The following CDH8 variants were observed in gnomAD, a reference collection of about 807,000 sequenced individuals.
CDH8 encodes the protein cadherin-8.
Under a neutral mutation model 68.1 loss-of-function variants are expected in CDH8, and 17 were observed. The observed-to-expected ratio is 0.25, with a 90% CI of 0.17 to 0.37. The LOEUF (loss-of-function observed/expected upper bound fraction) is 0.37, where lower values mean the gene tolerates loss of function less well. Ranked by LOEUF, CDH8 falls within the 10% of genes least tolerant of loss-of-function variation. CDH8 has a pLI of 1.00. For synonymous variants in CDH8, 372 were observed against 365.1 expected (o/e 1.02, Z -0.21); for missense variants, 763 against 999.3 (o/e 0.76, Z 3.19).
chr16:61,889,104 T>C (rs566443100), intron 3 of CDH8, among the ~76,000 whole-genome samples: 3 of 152,210 alleles, frequency 2.0e-5, no homozygotes, highest in Non-Finnish European at 4.4e-5. Flanking sequence ...AGATTATGTG[T>C]TCCATGTGAT....
rs1963232880 is a variant in CDH8, at chr16:61,647,601, G to A, written c.*6007C>T. The A allele has an allele frequency of 1.8e-6, 1 of 549,288 alleles. No homozygotes were observed. Among genetic ancestry groups the A allele is most frequent in the Admixed American group, 3.3e-5 (1 of 30,148 alleles). 34.0% of individuals were successfully genotyped at this position (549,288 alleles called of 1,614,324 possible). A position where few individuals can be genotyped will look rare whatever the true frequency, so the allele number is the denominator to read the frequency against. ...TTTGCATGTACAGAAGAAATCCCAA[G>A]AAATTAACATTTGGCTTTGGGGGGT... On this transcript the variant is annotated 3_prime_UTR_variant, in exon 12 of 12. Transcript: ENST00000577390.
intron 2 of CDH8, among the ~76,000 whole-genome samples, chr16:61,968,573 C>T (rs1330902056): frequency 6.6e-6 from 1 of 152,148 alleles, no homozygotes; most frequent in Non-Finnish European, 1.5e-5. Flanking sequence ...AAAGAAAAGC[C>T]TAGCTTTTAG....
At chr16:61,811,086 G>A (rs111401588) in intron 7 of CDH8, among the ~76,000 whole-genome samples, 4 of 151,884 alleles carry the variant, frequency 2.6e-5, no homozygotes, top group African/African-American at 9.7e-5. Context: ...GTTTTTCTGG[G>A]GATATTCAGC....
chr16:62,018,231 A>G (rs867911416), intron 2 of CDH8, among the ~76,000 whole-genome samples: 12 of 152,110 alleles, frequency 7.9e-5, no homozygotes, highest in Non-Finnish European at 1.5e-4. Context: ...CTGCCTACCA[A>G]TATACTAAAA....
intron 2 of CDH8, chr16:61,918,465 G>C (rs1429612593): frequency 6.6e-6 from 1 of 152,654 alleles, no homozygotes; most frequent in East Asian, 1.9e-4. Flanking sequence ...CGCGCACCAT[G>C]CGCGAGCCGA....
intron 8 of CDH8, among the ~76,000 whole-genome samples, chr16:61,771,287 T>G (rs1162686260): frequency 2.0e-5 from 3 of 151,786 alleles, no homozygotes; most frequent in African/African-American, 7.2e-5. Context: ...GAGTTCAGAT[T>G]TTTGTTTCTT....
At chr16:61,767,432 G>A (rs899645854) in intron 8 of CDH8, among the ~76,000 whole-genome samples, 10 of 151,878 alleles carry the variant, frequency 6.6e-5, no homozygotes, top group Non-Finnish European at 1.5e-4. Context: ...CACCTGAAAC[G>A]CAGGATAATA....
intron 3 of CDH8, among the ~76,000 whole-genome samples, chr16:61,877,560 T>C (rs1021190589): frequency 2.6e-5 from 4 of 152,084 alleles, no homozygotes; most frequent in African/African-American, 9.7e-5. Flanking sequence ...TATTTCAGAG[T>C]AGAGACATTG....
chr16:61,973,802 T>C (rs1965385751), intron 2 of CDH8, among the ~76,000 whole-genome samples: 2 of 152,272 alleles, frequency 1.3e-5, no homozygotes, highest in African/African-American at 4.8e-5. Flanking sequence ...ATTTATAATT[T>C]GCAAATCGAT....
rs550065112 is a variant in CDH8, at chr16:61,934,959, G to A, written c.253-33486C>T. Among the ~76,000 whole-genome samples, 241 of 152,276 alleles carry A rather than the reference G, an allele frequency of 1.6e-3. 1 individual carries two copies. The highest frequency in any genetic ancestry group is 3.4e-3 in the Middle Eastern group (1 of 294). On this transcript the variant is annotated intron_variant, in intron 2 of 11. Coordinates refer to ENST00000577390, the MANE Select transcript of CDH8 (RefSeq NM_001796.5). ...AAAGAAGCAGACCAGATAGAAAACT[G>A]TGTTGAGAGGGTTGCCTGCTGGAAA...
intron 7 of CDH8, among the ~76,000 whole-genome samples, chr16:61,811,282 A>G (rs1188657340): frequency 1.3e-5 from 2 of 152,210 alleles, no homozygotes; most frequent in Non-Finnish European, 1.5e-5. Flanking sequence ...TGAATTAATT[A>G]CCATTAGTTG....
chr16:61,724,121 C>T (rs376752934), intron 9 of CDH8, among the ~76,000 whole-genome samples: 1 of 150,412 alleles, frequency 6.6e-6, no homozygotes, highest in African/African-American at 2.4e-5. Context: ...ACCATTTCTC[C>T]CTATTTAGGT....
chr16:61,687,870 A>G (rs1201281835), intron 10 of CDH8, among the ~76,000 whole-genome samples: 3 of 152,004 alleles, frequency 2.0e-5, no homozygotes, highest in Non-Finnish European at 4.4e-5. Context: ...GTCTTTTCTA[A>G]GCTTTATCTC....
chr16:61,656,306 G>T (rs1265108928), intron 10 of CDH8, among the ~76,000 whole-genome samples: 1 of 152,138 alleles, frequency 6.6e-6, no homozygotes, highest in Non-Finnish European at 1.5e-5. Context: ...TAATCTTTAA[G>T]TGTCCCTTCC....
At chr16:61,702,462 A>G (rs1266435267) in intron 10 of CDH8, among the ~76,000 whole-genome samples, 1 of 152,200 alleles carries the variant, frequency 6.6e-6, no homozygotes, top group Non-Finnish European at 1.5e-5. Flanking sequence ...ACTTGCAAAG[A>G]CTTGTGAAGG....
At chr16:61,952,979 T>C (rs1464698409) in intron 2 of CDH8, among the ~76,000 whole-genome samples, 1 of 152,080 alleles carries the variant, frequency 6.6e-6, no homozygotes, top group African/African-American at 2.4e-5. Context: ...GAAATTTAAA[T>C]CCCCATGTGA....
chr16:61,876,960 C>A (rs1214517178), intron 3 of CDH8, among the ~76,000 whole-genome samples: 1 of 152,178 alleles, frequency 6.6e-6, no homozygotes, highest in African/African-American at 2.4e-5. Flanking sequence ...CTTCACTGTA[C>A]CATCATGGAG....
At chr16:61,656,725 T>C (rs1375806994) in intron 10 of CDH8, among the ~76,000 whole-genome samples, 2 of 152,204 alleles carry the variant, frequency 1.3e-5, no homozygotes, top group East Asian at 1.9e-4. Flanking sequence ...ATACTGGTTG[T>C]CTGGAGCAAC....
chr16:61,955,010 T>A (rs75258310), intron 2 of CDH8, among the ~76,000 whole-genome samples: 1 of 152,308 alleles, frequency 6.6e-6, no homozygotes, highest in East Asian at 1.9e-4. Flanking sequence ...ACTTCACAGA[T>A]GTAGAAATGA....
Sources: allele counts gnomAD v4.1 joint callset (sites outside exome capture counted in the v4.1 genomes callset), GRCh38; gene constraint gnomAD v4.1.1; transcripts MANE v1.5; gene names NCBI Gene and HGNC (gene_info 2026-07-23, HGNC 2026-07-21).